ADTRP: variants seen among roughly 807,000 people sequenced by gnomAD.
ADTRP encodes androgen-dependent TFPI-regulating protein.
ADTRP carries 20 observed loss-of-function variants against 27.0 expected under a neutral mutation model. That is an observed-to-expected ratio of 0.74 (90% CI 0.52 to 1.08). The LOEUF is 1.08. Ranked by LOEUF, ADTRP falls within the 50% of genes least tolerant of loss-of-function variation. ADTRP has a pLI of 0.00. For missense variants in ADTRP, 251 were observed against 275.0 expected, an observed-to-expected ratio of 0.91 and a Z score of 0.62; for synonymous variants, 101 against 105.2, an observed-to-expected ratio of 0.96 and a Z score of 0.25.
At chr6:11,762,177 C>T (rs547516681) in intron 3 of ADTRP, among the ~76,000 whole-genome samples, 61 of 152,314 alleles carry the variant, frequency 4.0e-4, no homozygotes, top group African/African-American at 5.1e-4. Context: ...CCCTGGGAGA[C>T]GGCTCAAAGG....
chr6:11,714,964 C>T (rs1473095763), intron 5 of ADTRP, among the ~76,000 whole-genome samples: 1 of 152,104 alleles, frequency 6.6e-6, no homozygotes, highest in Non-Finnish European at 1.5e-5. Context: ...ATTCATCAGC[C>T]TGGTGGAAAA....
intron 3 of ADTRP, among the ~76,000 whole-genome samples, chr6:11,758,057 C>A (rs1346228775): frequency 6.6e-6 from 1 of 152,146 alleles, no homozygotes; most frequent in African/African-American, 2.4e-5. Flanking sequence ...TTCTATCCAA[C>A]CTTTGAACTG....
At position 11,713,980 on chromosome 6, in the gene ADTRP, TA is replaced by T. The variant is rs3069335; in HGVS notation, c.*497del. On this transcript the variant is annotated 3_prime_UTR_variant, in exon 6 of 6. Transcript: ENST00000414691. ...TCTTTTAAAGAAAGTTGGGATTATT[TA>T]AAAAAAAAAAAATGGCCCAGGACCA... 19,036 of 149,740 alleles carry T rather than the reference TA, an allele frequency of 0.13. 1,623 individuals are homozygous for T. Among genetic ancestry groups the T allele is most frequent in the East Asian group, 0.47 (2,401 of 5,132 alleles). The allele number at this position is 149,740 out of a possible 1,614,324, so 9.3% of individuals were successfully genotyped here.
intron 4 of ADTRP, among the ~76,000 whole-genome samples, chr6:11,726,416 C>A (rs1213683039): frequency 6.6e-6 from 1 of 151,992 alleles, no homozygotes; most frequent in African/African-American, 2.4e-5. Flanking sequence ...ATAGTAAGCT[C>A]TAGAAATGGA....
intron 3 of ADTRP, among the ~76,000 whole-genome samples, chr6:11,749,635 G>T (rs139199285): frequency 3.9e-4 from 59 of 152,258 alleles, no homozygotes; most frequent in Non-Finnish European, 5.7e-4. Context: ...GCATCAAAGG[G>T]TTAAGGAAGC....
At chr6:11,734,276 T>C (rs542461532) in intron 4 of ADTRP, among the ~76,000 whole-genome samples, 4 of 152,360 alleles carry the variant, frequency 2.6e-5, no homozygotes, top group Middle Eastern at 3.4e-3. Context: ...ATCTTACCAC[T>C]GTCCATTGTC....
rs190034951 is a variant in ADTRP, at chr6:11,729,766, T to A, written c.506+5802A>T. On this transcript the variant is annotated intron_variant, in intron 4 of 5. Transcript: ENST00000414691. Reference sequence around the variant, plus strand: ...ATCCTGAACCAATTAAACCAGAGTATTTTTGAAATGAGACCTAGATATGGG... The same window carrying A: ...ATCCTGAACCAATTAAACCAGAGTAATTTTGAAATGAGACCTAGATATGGG... Among the ~76,000 whole-genome samples, 333 of 152,348 alleles carry A rather than the reference T, an allele frequency of 2.2e-3. 4 individuals are homozygous for A. Among genetic ancestry groups the A allele is most frequent in the Admixed American group, 2.7e-3 (41 of 15,310 alleles).
At chr6:11,772,113 C>T (rs564331566) in intron 1 of ADTRP, among the ~76,000 whole-genome samples, 52 of 152,318 alleles carry the variant, frequency 3.4e-4, no homozygotes, top group African/African-American at 1.2e-3. Context: ...CCCAGAAAAG[C>T]CCAGACGTAA....
intron 1 of ADTRP, among the ~76,000 whole-genome samples, chr6:11,776,907 A>G (rs1269633130): frequency 6.6e-6 from 1 of 152,194 alleles, no homozygotes; most frequent in Admixed American, 6.5e-5. Context: ...AGGTCATGGT[A>G]TTAAAAAACA....
At chr6:11,738,929 C>T (rs936942369) in intron 3 of ADTRP, among the ~76,000 whole-genome samples, 10 of 152,012 alleles carry the variant, frequency 6.6e-5, no homozygotes, top group South Asian at 2.1e-4. Context: ...AAATATTGAG[C>T]GGCAGTGAAG....
chr6:11,714,656 G>T, intron 5 of ADTRP, 144 bp from the exon 6 acceptor site: 1 of 924,040 alleles, frequency 1.1e-6, no homozygotes, highest in Non-Finnish European at 1.6e-6. Context: ...AGTTTAAGGA[G>T]TTATGAAAAA....
At chr6:11,730,422 A>T (rs1409843515) in intron 4 of ADTRP, among the ~76,000 whole-genome samples, 1 of 152,178 alleles carries the variant, frequency 6.6e-6, no homozygotes, top group Non-Finnish European at 1.5e-5. Context: ...TCTGAGCAGG[A>T]CCAACCATGT....
At chr6:11,745,204 G>A (rs983677431) in intron 3 of ADTRP, among the ~76,000 whole-genome samples, 7 of 152,062 alleles carry the variant, frequency 4.6e-5, no homozygotes, top group Non-Finnish European at 1.0e-4. Context: ...CTCTGTGGGT[G>A]TGTGTGTATG....
chr6:11,756,542 T>C (rs1469714823), intron 3 of ADTRP, among the ~76,000 whole-genome samples: 1 of 152,162 alleles, frequency 6.6e-6, no homozygotes, highest in Non-Finnish European at 1.5e-5. Flanking sequence ...TATGATTTCT[T>C]ACACTTACAT....
intron 3 of ADTRP, among the ~76,000 whole-genome samples, chr6:11,751,028 T>C (rs932175466): frequency 2.0e-5 from 3 of 152,176 alleles, no homozygotes; most frequent in East Asian, 1.9e-4. Context: ...ATTTTTGTAT[T>C]TTTTGTAGAG....
intron 3 of ADTRP, among the ~76,000 whole-genome samples, chr6:11,765,740 A>G (rs1352335196): frequency 3.3e-5 from 5 of 152,122 alleles, no homozygotes; most frequent in Admixed American, 3.3e-4. Flanking sequence ...AAAATCTCAG[A>G]ACAGCCTCTG....
chr6:11,724,024 C>T (rs1442872820), intron 4 of ADTRP, among the ~76,000 whole-genome samples: 1 of 152,190 alleles, frequency 6.6e-6, no homozygotes, highest in Non-Finnish European at 1.5e-5. Flanking sequence ...CACGCCACTG[C>T]ACTCTAGCCT....
intron 3 of ADTRP, among the ~76,000 whole-genome samples, chr6:11,744,110 C>A (rs1302358579): frequency 6.6e-6 from 1 of 152,134 alleles, no homozygotes; most frequent in Non-Finnish European, 1.5e-5. Flanking sequence ...AGTTCTCACC[C>A]TTAGTTCCCA....
chr6:11,760,538 CTT>C (rs1433837582), intron 3 of ADTRP, among the ~76,000 whole-genome samples: 3 of 152,156 alleles, frequency 2.0e-5, no homozygotes, highest in Non-Finnish European at 4.4e-5. Context: ...TATTCCAAGA[CTT>C]AGTCTCCTGG....
Sources: allele counts gnomAD v4.1 joint callset (sites outside exome capture counted in the v4.1 genomes callset), GRCh38; gene constraint gnomAD v4.1.1; transcripts MANE v1.5; gene names NCBI Gene and HGNC (gene_info 2026-07-23, HGNC 2026-07-21).